Variants in MICAL3 observed in about 807,000 individuals in gnomAD.
MICAL3 encodes the protein microtubule associated monooxygenase, calponin and LIM domain containing 3, also known as [F-actin]-monooxygenase MICAL3.
Under a neutral mutation model 207.4 loss-of-function variants are expected in MICAL3, and 62 were observed. That is an observed-to-expected ratio of 0.30 (90% CI 0.24 to 0.37). MICAL3 has a LOEUF of 0.37. Among genes scored for constraint, MICAL3 ranks in the 10% least tolerant of loss-of-function variants. MICAL3 has a pLI of 1.00. For synonymous variants in MICAL3, 1,077 were observed against 1,069.3 expected, an observed-to-expected ratio of 1.01 and a Z score of -0.14; for missense variants, 2,368 against 2,635.6, an observed-to-expected ratio of 0.90 and a Z score of 2.22.
chr22:17,840,835 A>T (rs1209033510), intron 20 of MICAL3: 1 of 152,310 alleles, frequency 6.6e-6, no homozygotes, highest in Non-Finnish European at 1.5e-5. Flanking sequence ...CAGCTTTGGA[A>T]CTGCAGACAC....
At chr22:17,911,497 G>A (rs1932141297) in intron 1 of MICAL3, among the ~76,000 whole-genome samples, 1 of 152,050 alleles carries the variant, frequency 6.6e-6, no homozygotes, top group Non-Finnish European at 1.5e-5. Context: ...CCTTCCCCTA[G>A]CCCATTCAGT....
chr22:17,825,928 C>A (rs1014799404), intron 22 of MICAL3, among the ~76,000 whole-genome samples: 14 of 152,288 alleles, frequency 9.2e-5, no homozygotes, highest in African/African-American at 3.4e-4. Flanking sequence ...GCAGCTCGGG[C>A]TGGATTTGAC....
At chr22:17,864,722 G>A in intron 19 of MICAL3, 177 bp downstream of exon 19, 1 of 1,613,530 alleles carries the variant, frequency 6.2e-7, no homozygotes, top group Non-Finnish European at 8.5e-7. Context: ...AGGCCATAGA[G>A]AAAGGGGACT....
chr22:18,011,279 C>T (rs1923701892), intron 1 of MICAL3, among the ~76,000 whole-genome samples: 1 of 152,250 alleles, frequency 6.6e-6, no homozygotes, highest in Admixed American at 6.5e-5. Context: ...GGCGCAGTGG[C>T]TCATGCCTGT....
At chr22:17,890,400 G>C (rs1930302445) in intron 12 of MICAL3, among the ~76,000 whole-genome samples, 1 of 152,136 alleles carries the variant, frequency 6.6e-6, no homozygotes, top group South Asian at 2.1e-4. Flanking sequence ...CTTTGGAACA[G>C]AGCTGACTCA....
rs1922865379 is a variant in MICAL3, at chr22:17,832,062, C to T, written c.2847G>A (p.Glu949=). 1.3e-6 allele frequency: 2 copies of T among 1,590,986 alleles called. No homozygotes were observed. Among genetic ancestry groups the T allele is most frequent in the East Asian group, 2.3e-5 (1 of 43,984 alleles). The change falls in exon 21 of 32, where the codon GAG becomes GAA. Residue 949 remains glutamate (E), a synonymous_variant. Transcript: ENST00000441493. ...EMEEEGEEEE[E]EPRLPPSDLG... Reference sequence around the variant, plus strand: ...GGTCAGATGGGGGCAGGCGAGGCTCCTCCTCCTCCTCCTCTCCCTCCTCCT... The same window carrying T: ...GGTCAGATGGGGGCAGGCGAGGCTCTTCCTCCTCCTCCTCTCCCTCCTCCT...
chr22:17,805,796 T>C (rs763766893), intron 29 of MICAL3, among the ~76,000 whole-genome samples: 26 of 152,240 alleles, frequency 1.7e-4, no homozygotes, highest in Non-Finnish European at 3.5e-4. Flanking sequence ...TGGCGTGATC[T>C]CGGCTCACCG....
chr22:17,790,702 C>G lies in MICAL3; in HGVS notation c.*30G>C. 1 of 1,558,858 alleles carries G rather than the reference C, an allele frequency of 6.4e-7. No homozygotes were observed. Among genetic ancestry groups the G allele is most frequent in the Non-Finnish European group, 8.7e-7 (1 of 1,149,996 alleles). ...ATGCCACTGCCTGGCCAGGCGGATGCCAACAGAAAATGGAGCGTTGGGTGG... is the reference window on the plus strand; with the variant it reads ...ATGCCACTGCCTGGCCAGGCGGATGGCAACAGAAAATGGAGCGTTGGGTGG... On this transcript the variant is annotated 3_prime_UTR_variant, in exon 32 of 32. Transcript: ENST00000441493.
chr22:17,910,448 T>C (rs1297441360), intron 1 of MICAL3, among the ~76,000 whole-genome samples: 1 of 152,180 alleles, frequency 6.6e-6, no homozygotes, highest in East Asian at 1.9e-4. Flanking sequence ...CACTTTTAAA[T>C]TAACAGATGT....
chr22:17,817,706 C>G lies in MICAL3; in HGVS notation c.4955G>C (p.Arg1652Pro). ...CTCCTCGGAGCCCCTGAGAGTGGGG[C>G]GTGTGGGGGAGTCAGGCCGGCGCTC... ...GKERRPDSPT[R>P]PTLRGSEEPT... Residue 1652 changes from arginine to proline, a missense_variant, in exon 26 of 32, where the codon CGC (arginine) becomes CCC (proline). Transcript: ENST00000441493. 6.3e-7 allele frequency: 1 copy of G among 1,598,136 alleles called. No individual in the cohort carries two copies. The highest frequency in any genetic ancestry group is 1.1e-5 in the South Asian group (1 of 89,462).
intron 1 of MICAL3, among the ~76,000 whole-genome samples, chr22:17,945,222 C>T (rs1477496938): frequency 6.6e-6 from 1 of 152,174 alleles, no homozygotes; most frequent in Non-Finnish European, 1.5e-5. Context: ...AGCCCCCAAT[C>T]CCCATATTTC....
At chr22:17,863,973 T>C in intron 19 of MICAL3, 1 of 985,514 alleles carries the variant, frequency 1.0e-6, no homozygotes, top group Non-Finnish European at 1.2e-6. Flanking sequence ...AACACAGCCC[T>C]GCTGGCCCCC....
chr22:17,999,542 C>T (rs1922690105), intron 1 of MICAL3, among the ~76,000 whole-genome samples: 1 of 152,194 alleles, frequency 6.6e-6, no homozygotes, highest in Non-Finnish European at 1.5e-5. Flanking sequence ...TGAACATCTG[C>T]TACGTGCCAA....
chr22:17,891,810 T>C (rs1930415723), intron 11 of MICAL3, among the ~76,000 whole-genome samples, 178 bp from the exon 12 acceptor site: 1 of 152,344 alleles, frequency 6.6e-6, no homozygotes, highest in Non-Finnish European at 1.5e-5. Flanking sequence ...AATGGTATCA[T>C]GACAGCGAAT....
chr22:17,895,450 A>G (rs751325051), intron 9 of MICAL3, 40 bp from the exon 10 acceptor site: 1 of 1,608,924 alleles, frequency 6.2e-7, no homozygotes, highest in Non-Finnish European at 8.5e-7. Context: ...CGGGACCAGC[A>G]CCATGAACAT....
chr22:17,984,347 C>T (rs1473410424), intron 1 of MICAL3, among the ~76,000 whole-genome samples: 3 of 152,262 alleles, frequency 2.0e-5, no homozygotes, highest in Non-Finnish European at 4.4e-5. Context: ...CGACACATAC[C>T]ATACAGTGTT....
At chr22:17,975,653 A>G (rs1463872115) in intron 1 of MICAL3, among the ~76,000 whole-genome samples, 1 of 152,228 alleles carries the variant, frequency 6.6e-6, no homozygotes, top group Non-Finnish European at 1.5e-5. Context: ...CAAACCAGGT[A>G]TGAAATAGCA....
chr22:17,904,515 G>A lies in MICAL3; in HGVS notation c.472+117C>T, dbSNP rs943202474. On this transcript the variant is annotated intron_variant, in intron 3 of 31. Transcript: ENST00000441493. ...CACTTACTATAAGAAAGACAGTAAT[G>A]AGATTAGAAGAAATTGGGTGGCATA... 3.8e-6 allele frequency: 3 copies of A among 785,752 alleles called. No homozygotes were observed. In the African/African-American group the frequency reaches 5.1e-5, roughly 13 times the overall value. 48.7% of individuals were successfully genotyped at this position (785,752 alleles called of 1,614,324 possible).
chr22:17,847,734 C>T (rs758844991), intron 19 of MICAL3, among the ~76,000 whole-genome samples: 1 of 152,364 alleles, frequency 6.6e-6, no homozygotes, highest in Non-Finnish European at 1.5e-5. Context: ...CTTAAGTAGT[C>T]CCTCTCATTC....
Sources: gnomAD v4.1 joint callset for allele counts (sites outside exome capture counted in the v4.1 genomes callset) on GRCh38, gnomAD v4.1.1 for gene constraint, MANE v1.5 for transcripts, NCBI Gene and HGNC (gene_info 2026-07-23, HGNC 2026-07-21) for gene names.